The following FHOD3 variants were observed in gnomAD, a reference collection of about 807,000 sequenced individuals.
The protein encoded by FHOD3 is FH1/FH2 domain-containing protein 3.
In FHOD3, 90 loss-of-function variants were observed where a neutral mutation model predicts 173.0. That is an observed-to-expected ratio of 0.52 (90% CI 0.44 to 0.62). The LOEUF (loss-of-function observed/expected upper bound fraction) is 0.62. FHOD3 is among the 20% of genes least tolerant of loss of function. The probability of loss-of-function intolerance (pLI) is 0.00; values close to 1 mark genes in which losing one functional copy is unlikely to be tolerated. For missense variants in FHOD3, 1,945 were observed against 2,034.7 expected (o/e 0.96, Z 0.85); for synonymous variants, 828 against 823.0 (o/e 1.01, Z -0.10).
Position 36,549,307 on chromosome 18 carries a change from A to G in FHOD3, c.512-27144A>G, listed in dbSNP as rs193172809. 8.7e-4 allele frequency among the ~76,000 whole-genome samples: 133 copies of G among 152,092 alleles called. 2 individuals are homozygous for G. Among genetic ancestry groups the G allele is most frequent in the Non-Finnish European group, 2.2e-4 (15 of 67,986 alleles). ...TTATTTGATATTATTGTTTTTTAAT[A>G]TTTCTCTATTACTGAGTTTTGAGTT... On this transcript the variant is annotated intron_variant, in intron 5 of 28. Transcript: ENST00000590592.
chr18:36,398,012 GT>G (rs1467368352), intron 3 of FHOD3, among the ~76,000 whole-genome samples: 3 of 152,174 alleles, frequency 2.0e-5, no homozygotes, highest in African/African-American at 7.2e-5. Flanking sequence ...GAACTGAATG[GT>G]TTTATCTGGC....
chr18:36,333,270 C>CAGAGAGGAAATTTAGTCTCCTCAGAGGG (rs1313435441), intron 1 of FHOD3, among the ~76,000 whole-genome samples: 2 of 152,174 alleles, frequency 1.3e-5, no homozygotes, highest in Non-Finnish European at 2.9e-5. Flanking sequence ...AATTTAGTCT[C>CAGAGAGGAAATTTAGTCTCCTCAGAGGG]AGAGAGGATG....
chr18:36,719,568 A>C (rs561480471), intron 19 of FHOD3, among the ~76,000 whole-genome samples: 1 of 152,344 alleles, frequency 6.6e-6, no homozygotes, highest in South Asian at 2.1e-4. Context: ...TCCTCTTTTA[A>C]GGTATAAGGG....
chr18:36,624,610 A>G (rs78583772), intron 9 of FHOD3, among the ~76,000 whole-genome samples: 19,316 of 151,926 alleles, frequency 0.13, 1,312 homozygotes, highest in Non-Finnish European at 0.15. Context: ...TCCAGGACAG[A>G]GTGAGATTAA....
intron 5 of FHOD3, among the ~76,000 whole-genome samples, chr18:36,573,693 G>T (rs1341023268): frequency 6.6e-6 from 1 of 152,076 alleles, no homozygotes; most frequent in African/African-American, 2.4e-5. Context: ...ACTTATACTT[G>T]CTTTTTACTT....
chr18:36,705,683 C>T lies in FHOD3; in HGVS notation c.2237-3412C>T, dbSNP rs574172726. On this transcript the variant is annotated intron_variant, in intron 17 of 28. Coordinates refer to ENST00000590592, the MANE Select transcript of FHOD3 (RefSeq NM_001281740.3). Reference sequence around the variant, plus strand: ...CTCATGGGTCGCTGTGTCTGTCTTTCACCACCAACACCACATTTTCAGGCC... The same window carrying T: ...CTCATGGGTCGCTGTGTCTGTCTTTTACCACCAACACCACATTTTCAGGCC... Among the ~76,000 whole-genome samples, 20 of 152,258 alleles carry T rather than the reference C, an allele frequency of 1.3e-4. No homozygotes were observed. The East Asian group carries it at 3.7e-3, about 28-fold the overall frequency.
At chr18:36,441,478 A>G (rs1375908336) in intron 3 of FHOD3, among the ~76,000 whole-genome samples, 2 of 152,192 alleles carry the variant, frequency 1.3e-5, no homozygotes. Flanking sequence ...GGAGACAGGG[A>G]GGCCAGAATT....
intron 6 of FHOD3, among the ~76,000 whole-genome samples, chr18:36,589,155 G>A (rs1273364752): frequency 2.0e-5 from 3 of 152,196 alleles, no homozygotes; most frequent in Non-Finnish European, 2.9e-5. Context: ...TATGAAATGT[G>A]TAACAATTCA....
chr18:36,689,051 T>C (rs1471408814), intron 16 of FHOD3, among the ~76,000 whole-genome samples: 1 of 152,198 alleles, frequency 6.6e-6, no homozygotes, highest in Non-Finnish European at 1.5e-5. Context: ...CACGGAGGTC[T>C]AGGGAAGCAG....
chr18:36,433,176 A>C (rs1046371599), intron 3 of FHOD3, among the ~76,000 whole-genome samples: 1 of 152,228 alleles, frequency 6.6e-6, no homozygotes, highest in African/African-American at 2.4e-5. Flanking sequence ...TTGTTGTCAC[A>C]TAGTTTAACC....
Position 36,779,570 on chromosome 18 carries a change from C to A in FHOD3, c.*40C>A. ...TCCCAGGAGTGTGCTGAGCAGAAGG[C>A]AAGCTCTTGCTGGATGAAACCCCTC... is the stretch of plus-strand genomic sequence containing the variant. On this transcript the variant is annotated 3_prime_UTR_variant, in exon 29 of 29. Transcript: ENST00000590592. 6.3e-7 allele frequency: 1 copy of A among 1,586,128 alleles called. No individual in the cohort carries two copies. Among genetic ancestry groups the A allele is most frequent in the Non-Finnish European group, 8.7e-7 (1 of 1,154,864 alleles).
intron 5 of FHOD3, among the ~76,000 whole-genome samples, chr18:36,575,215 C>A (rs1028003446): frequency 6.6e-6 from 1 of 152,236 alleles, no homozygotes; most frequent in African/African-American, 2.4e-5. Flanking sequence ...ATGTGATCCA[C>A]CTGCCTTGGC....
intron 6 of FHOD3, among the ~76,000 whole-genome samples, chr18:36,594,191 T>C (rs1568469320): frequency 6.6e-6 from 1 of 152,084 alleles, no homozygotes; most frequent in South Asian, 2.1e-4. Flanking sequence ...CTTCTGCCTG[T>C]GTGAGGGAAG....
At chr18:36,468,853 G>A (rs2053110237) in intron 3 of FHOD3, among the ~76,000 whole-genome samples, 1 of 152,126 alleles carries the variant, frequency 6.6e-6, no homozygotes, top group South Asian at 2.1e-4. Flanking sequence ...GCTAGCAAGG[G>A]TGCAGGCAAT....
chr18:36,642,672 C>T (rs191330005), intron 10 of FHOD3, among the ~76,000 whole-genome samples: 1 of 150,198 alleles, frequency 6.7e-6, no homozygotes, highest in East Asian at 1.9e-4. Context: ...GACACATTGT[C>T]ATCACTGGTC....
intron 5 of FHOD3, among the ~76,000 whole-genome samples, chr18:36,532,731 C>T (rs575220303): frequency 6.6e-6 from 1 of 152,348 alleles, no homozygotes; most frequent in African/African-American, 2.4e-5. Flanking sequence ...CCCACCCACA[C>T]CTGGAAGCAG....
Position 36,625,701 on chromosome 18 carries a change from A to G in FHOD3, c.1148A>G (p.Gln383Arg), listed in dbSNP as rs755479077. Residue 383 changes from glutamine to arginine, a missense_variant, in exon 10 of 29, where the codon CAG becomes CGG. Around this residue, in one of 5 missense-constraint regions of FHOD3, gnomAD observed 1,099 missense variants for 1,051.2 expected, o/e 1.05. Transcript: ENST00000590592. ...TLSAPTSPCSQSAPSFKPNQV... is the reference protein window; with the variant it reads ...TLSAPTSPCSRSAPSFKPNQV... Reference sequence around the variant, plus strand: ...TCGGCCCCCACCAGTCCCTGCTCCCAGTCAGCTCCCAGCTTCAAGCCCAAC... The same window carrying G: ...TCGGCCCCCACCAGTCCCTGCTCCCGGTCAGCTCCCAGCTTCAAGCCCAAC... The G allele has an allele frequency of 6.2e-7, 1 of 1,610,502 alleles. No homozygotes were observed. Among genetic ancestry groups the G allele is most frequent in the Non-Finnish European group, 8.5e-7 (1 of 1,177,942 alleles).
chr18:36,539,008 A>G (rs561453544), intron 5 of FHOD3, among the ~76,000 whole-genome samples: 1 of 152,356 alleles, frequency 6.6e-6, no homozygotes, highest in African/African-American at 2.4e-5. Flanking sequence ...GGATCTCACC[A>G]TACTACCTTT....
intron 5 of FHOD3, among the ~76,000 whole-genome samples, chr18:36,539,053 A>G (rs2057103043): frequency 6.6e-6 from 1 of 152,264 alleles, no homozygotes; most frequent in African/African-American, 2.4e-5. Flanking sequence ...CAACATAAAA[A>G]GTAAAAAATC....
Sources: allele counts gnomAD v4.1 joint callset (sites outside exome capture counted in the v4.1 genomes callset), GRCh38; gene constraint gnomAD v4.1.1; regional missense constraint gnomAD v4.1.1; transcripts MANE v1.5; gene names NCBI Gene and HGNC (gene_info 2026-07-23, HGNC 2026-07-21).